RAB41: variants seen among roughly 807,000 people sequenced by gnomAD.
RAB41 encodes the protein ras-related protein Rab-41.
RAB41 carries 15 observed loss-of-function variants against 19.0 expected under a neutral mutation model. The ratio of observed to expected loss-of-function variants is 0.79; its 90% CI spans 0.53 to 1.21. The LOEUF (loss-of-function observed/expected upper bound fraction) is 1.21, where lower values mean the gene tolerates loss of function less well. Ranked by LOEUF, RAB41 falls within the 50% of genes most tolerant of loss-of-function variation. The pLI is 0.00. For synonymous variants in RAB41, 73 were observed against 64.7 expected (o/e 1.13, Z -0.62); for missense variants, 177 against 179.7 (o/e 0.99, Z 0.09).
At chrX:70,282,394 G>T (rs1264279678) in intron 1 of RAB41, 53 bp downstream of exon 1, 1 of 1,188,320 alleles carries the variant, frequency 8.4e-7, no homozygotes, top group Admixed American at 2.2e-5. Flanking sequence ...GGTATGAAAT[G>T]GGGTGGGGCA....
At position 70,282,341 on chromosome X, in the gene RAB41, G is replaced by T; in HGVS notation, c.124G>T (p.Val42Leu). Residue 42 changes from valine (V) to leucine (L), a missense_variant and splice_region_variant, in exon 1 of 8, where the codon GTA becomes TTA. Physicochemically the swap from Val to Leu is conservative, Grantham distance 32. Transcript: ENST00000374473. Reference sequence around the variant, plus strand: ...ACTCTTATTCCTGGGAGAGCAGAGCGGTGTGGGTCTGGGTTGGGCTTTGGG... The same window carrying T: ...ACTCTTATTCCTGGGAGAGCAGAGCTGTGTGGGTCTGGGTTGGGCTTTGGG... Reference protein sequence around the residue: ...SKLLFLGEQSVGKTSIISRFM... With the variant: ...SKLLFLGEQSLGKTSIISRFM... 1 of 1,211,710 alleles carries T rather than the reference G, an allele frequency of 8.3e-7. No individual in the cohort carries two copies. The highest frequency in any genetic ancestry group is 1.8e-5 in the South Asian group (1 of 56,992).
Position 70,284,706 on chromosome X carries a change from C to G in RAB41, c.*63C>G, listed in dbSNP as rs2085708987. The G allele has an allele frequency of 2.2e-6, 2 of 916,597 alleles. No homozygotes were observed. The highest frequency in any genetic ancestry group is 3.2e-6 in the Non-Finnish European group (2 of 628,441). 75.5% of individuals were successfully genotyped at this position (916,597 alleles called of 1,213,427 possible). The stretch of plus-strand genomic sequence containing the variant: ...TACATTTGGGCTTGCCATACCAGTT[C>G]TCCTCCCCACCTCGTTTTATGATAC... On this transcript the variant is annotated 3_prime_UTR_variant, in exon 8 of 8. Coordinates refer to ENST00000374473, the MANE Select transcript of RAB41 (RefSeq NM_001363807.1).
Position 70,282,491 on chromosome X carries a change from G to C in RAB41, c.125-42G>C, listed in dbSNP as rs370645090. 19 of 1,179,441 alleles carry C rather than the reference G, an allele frequency of 1.6e-5. No individual in the cohort carries two copies. The African/African-American group carries it at 2.8e-4, about 18-fold the overall frequency. ...CTCATAGAAACTTTGAGGGGAGAAAGGGCACTGAGGGCGACGATTGGCCTG... is the reference window on the plus strand; with the variant it reads ...CTCATAGAAACTTTGAGGGGAGAAACGGCACTGAGGGCGACGATTGGCCTG... On this transcript the variant is annotated intron_variant, in intron 1 of 7. Transcript: ENST00000374473.
rs1373185431 is a variant in RAB41 at position 70,284,775 on chromosome X, C to T, written c.*132C>T. On this transcript the variant is annotated 3_prime_UTR_variant, in exon 8 of 8. Transcript: ENST00000374473. ...CCAATTCCTAGGCTTGGGGTAAAAA[C>T]AGAACCCCTGAAAGTGCTATCATTT... 7.5e-6 allele frequency: 4 copies of T among 533,701 alleles called. No individual in the cohort carries two copies. Among genetic ancestry groups the T allele is most frequent in the Non-Finnish European group, 1.3e-5 (4 of 309,881 alleles). 44.0% of individuals were successfully genotyped at this position (533,701 alleles called of 1,213,427 possible). A position where few individuals can be genotyped will look rare whatever the true frequency, so the allele number is the denominator to read the frequency against.
rs1004519037 is a variant in RAB41 at position 70,284,491 on chromosome X, C to T, written c.614-97C>T. 5.3e-6 allele frequency: 5 copies of T among 947,722 alleles called. No individual in the cohort carries two copies. In the South Asian group the frequency reaches 8.0e-5, roughly 15 times the overall value. 78.1% of individuals were successfully genotyped at this position (947,722 alleles called of 1,213,427 possible). Reference sequence around the variant, plus strand: ...CTTTAGGTGAGAGGGATTGTAAGATCAGAATTCCTCTTCTACATCTCCTAG... The same window carrying T: ...CTTTAGGTGAGAGGGATTGTAAGATTAGAATTCCTCTTCTACATCTCCTAG... On this transcript the variant is annotated intron_variant, in intron 7 of 7. Transcript: ENST00000374473.
In RAB41 at chrX:70,282,608, G is replaced by A; in HGVS notation, c.183+17G>A. 1.7e-6 allele frequency: 2 copies of A among 1,200,254 alleles called. No individual in the cohort carries two copies. Among genetic ancestry groups the A allele is most frequent in the South Asian group, 3.5e-5 (2 of 56,609 alleles). ...GCCTGCCAGGTAAGACCACCACCGA[G>A]TCATATGGTACATTTTTGCCACTCT... On this transcript the variant is annotated intron_variant, in intron 2 of 7. Coordinates refer to ENST00000374473, the MANE Select transcript of RAB41 (RefSeq NM_001363807.1).
In RAB41 at chrX:70,284,230, T is replaced by G. The variant is rs748933625; in HGVS notation, c.550-36T>G. 1,655 of 1,077,273 alleles carry G rather than the reference T, an allele frequency of 1.5e-3. 54 individuals carry two copies. The Admixed American group carries it at 0.04, about 26-fold the overall frequency. The allele number at this position is 1,077,273 out of a possible 1,213,427, so 88.8% of individuals were successfully genotyped here. A position where few individuals can be genotyped will look rare whatever the true frequency, so the allele number is the denominator to read the frequency against. ...AACCTGACCTTTTTTTTTTCCCCTTTTTTTTTTTTTGGTCCCCATTCACAC... is the reference window on the plus strand; with the variant it reads ...AACCTGACCTTTTTTTTTTCCCCTTGTTTTTTTTTTGGTCCCCATTCACAC... On this transcript the variant is annotated intron_variant, in intron 6 of 7. Coordinates refer to ENST00000374473, the MANE Select transcript of RAB41 (RefSeq NM_001363807.1).
In RAB41 at chrX:70,284,143, TA is replaced by T. The variant is rs2085704639; in HGVS notation, c.549+101del. ...TAAGCTTGGCTTATCTTTTGTGGGA[TA>T]GGGGTCAAGGTTCATCTCCCCATCA... is the stretch of plus-strand genomic sequence containing the variant. On this transcript the variant is annotated intron_variant, in intron 6 of 7. Coordinates refer to ENST00000374473, the MANE Select transcript of RAB41 (RefSeq NM_001363807.1). The T allele has an allele frequency of 6.2e-5, 60 of 971,935 alleles. No individual in the cohort carries two copies. The South Asian group carries it at 1.2e-3, about 20-fold the overall frequency. The allele number at this position is 971,935 out of a possible 1,213,427, so 80.1% of individuals were successfully genotyped here.
rs1230826602 is a variant in RAB41, at chrX:70,284,637, T to C, written c.663T>C (p.Tyr221=). ...TCGAGGAGTCAGGCAACAGAAGCTA[T>C]TGTTGACAGCTTAGGCTTTCTCTGC... ...ESFEESGNRS[Y]C Residue 221 remains tyrosine (Y), a synonymous_variant, in exon 8 of 8, where the codon TAT becomes TAC. Coordinates refer to ENST00000374473, the MANE Select transcript of RAB41 (RefSeq NM_001363807.1). The C allele has an allele frequency of 3.3e-6, 4 of 1,204,647 alleles. No individual in the cohort carries two copies. The highest frequency in any genetic ancestry group is 3.4e-6 in the Non-Finnish European group (3 of 888,950).
intron 6 of RAB41, 100 bp downstream of exon 6, chrX:70,284,143 T>G (rs752238589): frequency 3.9e-4 from 375 of 971,932 alleles, no homozygotes; most frequent in Non-Finnish European, 4.8e-4. Context: ...TTTTGTGGGA[T>G]AGGGGTCAAG....
Position 70,282,306 on chromosome X carries a change from G to A in RAB41, c.89G>A (p.Cys30Tyr). 1 of 1,211,957 alleles carries A rather than the reference G, an allele frequency of 8.3e-7. No homozygotes were observed. Among genetic ancestry groups the A allele is most frequent in the Non-Finnish European group, 1.1e-6 (1 of 895,416 alleles). Reference sequence around the variant, plus strand: ...GAAAGAACGGAATACCAGTCTCTGTGCAAATCTAAACTCTTATTCCTGGGA... The same window carrying A: ...GAAAGAACGGAATACCAGTCTCTGTACAAATCTAAACTCTTATTCCTGGGA... ...AAERTEYQSL[C>Y]KSKLLFLGEQ... Residue 30 changes from cysteine to tyrosine, a missense_variant, in exon 1 of 8, where the codon TGC (cysteine) becomes TAC (tyrosine). Physicochemically the swap from Cys to Tyr is radical, Grantham distance 194. Coordinates refer to ENST00000374473, the MANE Select transcript of RAB41 (RefSeq NM_001363807.1).
rs376856878 is a variant in RAB41 at position 70,283,944 on chromosome X, G to A, written c.456-6G>A. 2.8e-4 allele frequency: 334 copies of A among 1,179,438 alleles called. No homozygotes were observed. The highest frequency in any genetic ancestry group is 3.6e-4 in the Non-Finnish European group (310 of 868,151). On this transcript the variant is annotated splice_polypyrimidine_tract_variant and splice_region_variant and intron_variant, in intron 5 of 7. Transcript: ENST00000374473. ...TGGCCCTTTTCATCATTTCTGATTCGTCCAGACAAGTCACTGCAGAACAGG... is the reference window on the plus strand; with the variant it reads ...TGGCCCTTTTCATCATTTCTGATTCATCCAGACAAGTCACTGCAGAACAGG...
Position 70,284,271 on chromosome X carries a change from C to T in RAB41, c.555C>T (p.Phe185=), listed in dbSNP as rs1361304714. The T allele has an allele frequency of 3.2e-5, 39 of 1,205,304 alleles. No homozygotes were observed. The highest frequency in any genetic ancestry group is 4.4e-5 in the Non-Finnish European group (39 of 893,270). ...CCATTCACACACACACACAGCTGTT[C>T]CGGCGTGTGGCTTCTGCCCTTCTTT... ...AKTGYNVKKL[F]RRVASALLST... is the part of the protein sequence containing the mutation. Residue 185 remains phenylalanine (F), a synonymous_variant, in exon 7 of 8, where the codon TTC becomes TTT. Coordinates refer to ENST00000374473, the MANE Select transcript of RAB41 (RefSeq NM_001363807.1).
intron 3 of RAB41, 33 bp downstream of exon 3, chrX:70,282,888 ACTT>A (rs1569224283): frequency 8.9e-7 from 1 of 1,123,563 alleles, no homozygotes; most frequent in African/African-American, 1.8e-5. Context: ...CTAACCCTAC[ACTT>A]CAACCCCTTA....
At chrX:70,284,116 G>A (rs1428584850) in intron 6 of RAB41, 73 bp downstream of exon 6, 15 of 976,382 alleles carry the variant, frequency 1.5e-5, no homozygotes, top group Non-Finnish European at 2.2e-5. Context: ...TACTCTTTTG[G>A]ATAAGCTTGG....
intron 2 of RAB41, 37 bp downstream of exon 2, chrX:70,282,628 C>A (rs1713746): frequency 1.7e-5 from 20 of 1,170,380 alleles, no homozygotes; most frequent in African/African-American, 3.6e-5. Context: ...ACATTTTTGC[C>A]ACTCTTCTTG....
chrX:70,282,221 T>C lies in RAB41; in HGVS notation c.4T>C (p.Ser2Pro), dbSNP rs2070448018. MSAFGHDEAWME... is the reference protein window; with the variant it reads MPAFGHDEAWME... ...TGGCTGCAACCTACCTGAAGCGATG[T>C]CTGCCTTTGGTCACGACGAGGCCTG... Residue 2 changes from serine to proline, a missense_variant, in exon 1 of 8, where the codon TCT (serine) becomes CCT (proline). By Grantham distance (74) the Ser-to-Pro change is moderately conservative (BLOSUM62 -1). Coordinates refer to ENST00000374473, the MANE Select transcript of RAB41 (RefSeq NM_001363807.1). 1.6e-6 allele frequency: 2 copies of C among 1,212,262 alleles called. No individual in the cohort carries two copies. Among genetic ancestry groups the C allele is most frequent in the East Asian group, 3.0e-5 (1 of 33,854 alleles).
chrX:70,284,460 G>A (rs369724691), intron 7 of RAB41, 128 bp from the exon 8 acceptor site: 24 of 933,970 alleles, frequency 2.6e-5, no homozygotes, highest in East Asian at 9.3e-5. Flanking sequence ...TAGTTCCTTC[G>A]TTTGCCTTTA....
At position 70,284,952 on chromosome X, in the gene RAB41, ACT is replaced by A; in HGVS notation, c.*310_*311del. 3.3e-6 allele frequency: 1 copy of A among 300,365 alleles called. No individual in the cohort carries two copies. The highest frequency in any genetic ancestry group is 5.9e-6 in the Non-Finnish European group (1 of 169,690). The allele number at this position is 300,365 out of a possible 1,213,427, so 24.8% of individuals were successfully genotyped here. On this transcript the variant is annotated 3_prime_UTR_variant, in exon 8 of 8. Transcript: ENST00000374473. The stretch of plus-strand genomic sequence containing the variant: ...CAAAGGCCAATACAATTCATTCTCC[ACT>A]GTTTGTTGTTGTTTACCTACACCCT...
Sources: gnomAD v4.1 joint callset for allele counts on GRCh38, gnomAD v4.1.1 for gene constraint, MANE v1.5 for transcripts, NCBI Gene and HGNC (gene_info 2026-07-23, HGNC 2026-07-21) for gene names.